SAMD8: variants seen among roughly 807,000 people sequenced by gnomAD.
The protein encoded by SAMD8 is sphingomyelin synthase-related protein 1.
A neutral mutation model predicts 42.0 loss-of-function variants in SAMD8; 20 were observed. The ratio of observed to expected loss-of-function variants is 0.48; its 90% CI spans 0.34 to 0.69. The LOEUF is 0.69. SAMD8 is among the 30% of genes least tolerant of loss of function. The pLI, the probability that SAMD8 is intolerant of heterozygous loss-of-function variation, is 0.01. For synonymous variants in SAMD8, 162 were observed against 173.0 expected (o/e 0.94, Z 0.50); for missense variants, 328 against 511.6 (o/e 0.64, Z 3.46).
chr10:75,139,081 C>T (rs1026027720), intron 1 of SAMD8, among the ~76,000 whole-genome samples: 1 of 151,880 alleles, frequency 6.6e-6, no homozygotes, highest in Non-Finnish European at 1.5e-5. Context: ...CCGCCTCAGC[C>T]TCCTGAGTAG....
intron 1 of SAMD8, among the ~76,000 whole-genome samples, chr10:75,127,416 T>C (rs1589941315): frequency 6.6e-6 from 1 of 152,302 alleles, no homozygotes; most frequent in East Asian, 1.9e-4. Context: ...AAGTTGATCT[T>C]GGGGAACTTA....
At chr10:75,164,889 C>G (rs915396792) in intron 3 of SAMD8, 149 bp downstream of exon 3, 1 of 640,806 alleles carries the variant, frequency 1.6e-6, no homozygotes, top group South Asian at 1.9e-5. Context: ...TGAGTTTGAT[C>G]AGTAAGAGTC....
intron 2 of SAMD8, among the ~76,000 whole-genome samples, chr10:75,155,257 C>T (rs2657287): frequency 0.25 from 37,856 of 151,884 alleles, 5,229 homozygotes; most frequent in East Asian, 0.59. Flanking sequence ...GATGGGAAAA[C>T]TGTGGAAGGA....
In SAMD8 at chr10:75,123,172, C is replaced by CCACCCCACCT. The variant is rs1184700274; in HGVS notation, c.-16+11459_-16+11460insTCACCCCACC. Among the ~76,000 whole-genome samples, 6 of 52,970 alleles carry CCACCCCACCT rather than the reference C, an allele frequency of 1.1e-4. No individual in the cohort carries two copies. In the Admixed American group the frequency reaches 1.2e-3, roughly 11 times the overall value. 34.8% of individuals were successfully genotyped at this position (52,970 alleles called of 152,430 possible). On this transcript the variant is annotated intron_variant, in intron 1 of 5. Transcript: ENST00000542569. ...GCTTCCCACCCCACCTCACCCCACC[C>CCACCCCACCT]CACCCCACCCCACCCCACCCCACCC...
chr10:75,176,601 CT>C lies in SAMD8; in HGVS notation c.1164del (p.Phe388LeufsTer22). ...RRARIWFPMF[S>X]FFECNVNGTV... ...GCAAGGATTTGGTTTCCCATGTTCT[CT>C]TTTTTTGAATGCAATGTTAATGGCA... On this transcript the variant is annotated frameshift_variant, in exon 6 of 6. Transcript: ENST00000542569. LOFTEE classifies it high-confidence loss of function. The surrounding 1 kb of genome is among the most constrained non-coding windows in gnomAD (Gnocchi z 4.3). The C allele has an allele frequency of 6.4e-7, 1 of 1,550,484 alleles. No individual in the cohort carries two copies.
chr10:75,099,997 C>T (rs2134353167), intron 1 of SAMD8, among the ~76,000 whole-genome samples: 1 of 152,262 alleles, frequency 6.6e-6, no homozygotes, highest in Middle Eastern at 3.4e-3. Context: ...AGGAGTCCAA[C>T]AGCCACACTG....
intron 4 of SAMD8, among the ~76,000 whole-genome samples, chr10:75,171,160 CTTTT>C (rs1003923090): frequency 2.9e-5 from 2 of 68,514 alleles, no homozygotes; most frequent in African/African-American, 1.2e-4. Context: ...CTTTCTTTTT[CTTTT>C]TTTTTTTTTT....
intron 1 of SAMD8, among the ~76,000 whole-genome samples, chr10:75,114,374 C>T (rs1848831972): frequency 6.6e-6 from 1 of 151,796 alleles, no homozygotes; most frequent in Admixed American, 6.6e-5. Flanking sequence ...CAGAAGAAGC[C>T]ATCATGACTG....
chr10:75,162,487 T>A (rs1438438059), intron 2 of SAMD8, among the ~76,000 whole-genome samples: 3 of 151,492 alleles, frequency 2.0e-5, no homozygotes, highest in Admixed American at 6.6e-5. Flanking sequence ...CCATCTCTAC[T>A]AAAAATACAC....
At chr10:75,144,763 CCTT>C (rs1448696876) in intron 1 of SAMD8, among the ~76,000 whole-genome samples, 1 of 151,868 alleles carries the variant, frequency 6.6e-6, no homozygotes, top group Non-Finnish European at 1.5e-5. Flanking sequence ...GCTTAGGTGA[CCTT>C]CTTGCCTGAG....
Position 75,104,351 on chromosome 10 carries a change from G to C in SAMD8, c.-16+4623G>C, listed in dbSNP as rs540919620. Among the ~76,000 whole-genome samples, 15 of 152,272 alleles carry C rather than the reference G, an allele frequency of 9.9e-5. No individual in the cohort carries two copies. In the South Asian group the frequency reaches 3.1e-3, roughly 32 times the overall value. The stretch of plus-strand genomic sequence containing the variant: ...CCTGGACCCAGAGCTGCTCTGTATG[G>C]CTGCACAGGCTGCACACTGCATAAC... On this transcript the variant is annotated intron_variant, in intron 1 of 3. Transcript: ENST00000447533.
chr10:75,111,617 G>T (rs567707624), upstream of SAMD8: 11 of 1,248,106 alleles, frequency 8.8e-6, no homozygotes, highest in South Asian at 3.1e-4. Flanking sequence ...CGCCCCCGCC[G>T]CTTGAGGCGC....
chr10:75,109,490 G>T (rs1848711331), upstream of SAMD8, among the ~76,000 whole-genome samples: 1 of 152,216 alleles, frequency 6.6e-6, no homozygotes, highest in African/African-American at 2.4e-5. Context: ...CATAGTAGGT[G>T]CTTAGAAACA....
chr10:75,120,289 T>TGAAATGGA (rs1848974486), intron 1 of SAMD8, among the ~76,000 whole-genome samples: 1 of 152,180 alleles, frequency 6.6e-6, no homozygotes. Context: ...TATTTATTTT[T>TGAAATGGA]GAAATGGAGT....
At chr10:75,128,758 C>T (rs1375622496) in intron 1 of SAMD8, among the ~76,000 whole-genome samples, 2 of 152,104 alleles carry the variant, frequency 1.3e-5, no homozygotes. Flanking sequence ...AAGTGGTACA[C>T]AGTGATACTG....
chr10:75,103,962 C>T (rs1222901679), intron 1 of SAMD8: 6 of 1,329,300 alleles, frequency 4.5e-6, no homozygotes, highest in Non-Finnish European at 6.0e-6. Flanking sequence ...GAGTAGCAGG[C>T]TCTAGGGCCG....
rs556018046 is a variant in SAMD8 at position 75,143,557 on chromosome 10, GT to G, written c.-15-6947del. ...ACTGGGCCTACGGTTTTAGGTTGTT[GT>G]TTTTTTTTTCTTTCAGTACTTTATG... On this transcript the variant is annotated intron_variant, in intron 1 of 5. Transcript: ENST00000542569. Among the ~76,000 whole-genome samples the G allele has an allele frequency of 6.1e-5, 9 of 147,934 alleles. No individual in the cohort carries two copies. The South Asian group carries it at 1.3e-3, about 21-fold the overall frequency.
chr10:75,131,368 T>TA (rs1455704605), intron 1 of SAMD8, among the ~76,000 whole-genome samples: 2 of 152,222 alleles, frequency 1.3e-5, no homozygotes, highest in Admixed American at 1.3e-4. Context: ...TTGCCTCTAC[T>TA]AATTACTACA....
chr10:75,181,861 G>A lies in SAMD8; in HGVS notation c.*5169G>A, dbSNP rs1841086163. On this transcript the variant is annotated 3_prime_UTR_variant, in exon 6 of 6. Coordinates refer to ENST00000542569, the MANE Select transcript of SAMD8 (RefSeq NM_001174156.2). Reference sequence around the variant, plus strand: ...AGAAAGTGGAAACTGGTACTTAATGGGGGAAGCAAAATTAGCTGGGACTAA... The same window carrying A: ...AGAAAGTGGAAACTGGTACTTAATGAGGGAAGCAAAATTAGCTGGGACTAA... 1 of 152,102 alleles carries A rather than the reference G, an allele frequency of 6.6e-6. No homozygotes were observed. The highest frequency in any genetic ancestry group is 1.5e-5 in the Non-Finnish European group (1 of 68,016). 9.4% of individuals were successfully genotyped at this position (152,102 alleles called of 1,614,324 possible).
Sources: gnomAD v4.1 joint callset for allele counts (sites outside exome capture counted in the v4.1 genomes callset) on GRCh38, gnomAD v4.1.1 for gene constraint, Gnocchi (gnomAD v3.1) non-coding constraint, MANE v1.5 for transcripts, NCBI Gene and HGNC (gene_info 2026-07-23, HGNC 2026-07-21) for gene names.